CNTN1: variants seen among roughly 807,000 people sequenced by gnomAD.
CNTN1 encodes contactin-1.
Under a neutral mutation model 126.4 loss-of-function variants are expected in CNTN1, and 38 were observed. That is an observed-to-expected ratio of 0.30 (90% CI 0.23 to 0.39). The LOEUF is 0.39. Among genes scored for constraint, CNTN1 ranks in the 10% least tolerant of loss-of-function variants. CNTN1 has a pLI of 1.00. For synonymous variants in CNTN1, 413 were observed against 422.6 expected (o/e 0.98, Z 0.28); for missense variants, 1,009 against 1,248.4 (o/e 0.81, Z 2.89).
At chr12:40,833,285 A>G (rs7967262) in intron 1 of CNTN1, among the ~76,000 whole-genome samples, 88,414 of 151,580 alleles carry the variant, frequency 0.58, 26,163 homozygotes, top group East Asian at 0.77. Flanking sequence ...TAGTAGAGAC[A>G]GGGTTTCACC....
At chr12:40,923,092 C>T (rs1945509961) in intron 5 of CNTN1, among the ~76,000 whole-genome samples, 1 of 151,292 alleles carries the variant, frequency 6.6e-6, no homozygotes, top group South Asian at 2.1e-4. Context: ...CATATTGCAA[C>T]ATAATGTCTG....
intron 1 of CNTN1, among the ~76,000 whole-genome samples, chr12:40,747,024 C>G (rs906392620): frequency 5.3e-5 from 8 of 152,012 alleles, no homozygotes; most frequent in Non-Finnish European, 7.4e-5. Flanking sequence ...GTACGGGGAG[C>G]CCTCTCCTGC....
chr12:41,020,486 A>G lies in CNTN1; in HGVS notation c.2523+46A>G, dbSNP rs761450618. On this transcript the variant is annotated intron_variant, in intron 20 of 23. Coordinates refer to ENST00000551295, the MANE Select transcript of CNTN1 (RefSeq NM_001843.4). ...ACTAAATACATTTATTCATAAATAT[A>G]TAAGCATACGTTTTCAAATGTGTTG... 1.2e-5 allele frequency: 15 copies of G among 1,216,196 alleles called. No individual in the cohort carries two copies. The Admixed American group carries it at 2.3e-4, about 18-fold the overall frequency. The allele number at this position is 1,216,196 out of a possible 1,614,324, so 75.3% of individuals were successfully genotyped here.
At chr12:40,842,744 T>C (rs1327605319) in intron 1 of CNTN1, among the ~76,000 whole-genome samples, 2 of 152,126 alleles carry the variant, frequency 1.3e-5, no homozygotes, top group African/African-American at 4.8e-5. Context: ...ACATAGTAGA[T>C]GTTCAATAAA....
chr12:40,923,888 C>T (rs886898991), intron 5 of CNTN1, among the ~76,000 whole-genome samples: 4 of 151,574 alleles, frequency 2.6e-5, no homozygotes, highest in Non-Finnish European at 4.4e-5. Flanking sequence ...ATTTGGGTGC[C>T]GATCACAGGT....
chr12:40,809,288 C>T (rs886434739), intron 1 of CNTN1, among the ~76,000 whole-genome samples: 1 of 152,086 alleles, frequency 6.6e-6, no homozygotes, highest in African/African-American at 2.4e-5. Context: ...GATAAAACTC[C>T]TTATGAAGAA....
chr12:40,739,101 G>A (rs1937823702), intron 1 of CNTN1, among the ~76,000 whole-genome samples: 1 of 152,032 alleles, frequency 6.6e-6, no homozygotes, highest in Non-Finnish European at 1.5e-5. Context: ...ATGTTATAAA[G>A]CTCCTCAGGG....
chr12:40,811,982 G>A (rs1273058829), intron 1 of CNTN1, among the ~76,000 whole-genome samples: 1 of 149,418 alleles, frequency 6.7e-6, no homozygotes. Flanking sequence ...TGTAATGTTA[G>A]GTTGTTTATG....
chr12:40,945,990 A>G (rs1208476723), intron 14 of CNTN1, among the ~76,000 whole-genome samples: 1 of 152,164 alleles, frequency 6.6e-6, no homozygotes, highest in Non-Finnish European at 1.5e-5. Context: ...CTAGATAAGC[A>G]TCTTAATTGA....
chr12:41,068,026 A>G (rs927686302), intron 23 of CNTN1, among the ~76,000 whole-genome samples: 1 of 152,248 alleles, frequency 6.6e-6, no homozygotes, highest in Non-Finnish European at 1.5e-5. Flanking sequence ...CCTTGCCTTG[A>G]TACATTAAGT....
chr12:40,868,224 GT>G (rs1164369295), intron 1 of CNTN1, among the ~76,000 whole-genome samples: 1 of 152,080 alleles, frequency 6.6e-6, no homozygotes, highest in Non-Finnish European at 1.5e-5. Context: ...CCCAATGGAA[GT>G]TTTTTATTTA....
At chr12:40,795,752 T>C (rs1940404294) in intron 1 of CNTN1, among the ~76,000 whole-genome samples, 1 of 152,154 alleles carries the variant, frequency 6.6e-6, no homozygotes, top group Non-Finnish European at 1.5e-5. Flanking sequence ...AGATTTATGC[T>C]ACATGCAATA....
chr12:41,037,385 G>GTA (rs201775809), intron 23 of CNTN1, among the ~76,000 whole-genome samples: 2,157 of 151,504 alleles, frequency 0.014, 52 homozygotes, highest in African/African-American at 0.047. Flanking sequence ...ATTTATGTAT[G>GTA]TATATATATA....
At chr12:40,771,570 C>T (rs1193488424) in intron 1 of CNTN1, among the ~76,000 whole-genome samples, 1 of 151,948 alleles carries the variant, frequency 6.6e-6, no homozygotes, top group Admixed American at 6.6e-5. Context: ...AGAAAGTCCT[C>T]AATTCAGGAT....
intron 1 of CNTN1, among the ~76,000 whole-genome samples, chr12:40,854,927 G>C (rs760930766): frequency 6.6e-6 from 1 of 152,076 alleles, no homozygotes; most frequent in Non-Finnish European, 1.5e-5. Flanking sequence ...TTCAGTACTC[G>C]GAGGGTGCTG....
intron 1 of CNTN1, among the ~76,000 whole-genome samples, chr12:40,898,405 T>A (rs967478276): frequency 2.0e-5 from 3 of 152,194 alleles, no homozygotes; most frequent in Admixed American, 6.5e-5. Flanking sequence ...GAAAATGTAA[T>A]GCATTTCTTG....
intron 1 of CNTN1, among the ~76,000 whole-genome samples, chr12:40,820,606 G>A (rs529783514): frequency 1.1e-4 from 16 of 152,260 alleles, no homozygotes; most frequent in African/African-American, 3.9e-4. Context: ...GGTGGGGTTT[G>A]GGAGGTAGCA....
At chr12:40,959,001 A>T in intron 14 of CNTN1, 113 bp from the exon 15 acceptor site, 1 of 1,274,508 alleles carries the variant, frequency 7.8e-7, no homozygotes, top group Admixed American at 1.8e-5. Context: ...TCTAAAACAC[A>T]TTCTTTAAGT....
At chr12:40,721,502 T>G (rs1410750890) in intron 1 of CNTN1, among the ~76,000 whole-genome samples, 1 of 152,086 alleles carries the variant, frequency 6.6e-6, no homozygotes, top group Non-Finnish European at 1.5e-5. Flanking sequence ...TTTTATAATT[T>G]ATCATGAAGG....
Sources: allele counts gnomAD v4.1 joint callset (sites outside exome capture counted in the v4.1 genomes callset), GRCh38; gene constraint gnomAD v4.1.1; transcripts MANE v1.5; gene names NCBI Gene and HGNC (gene_info 2026-07-23, HGNC 2026-07-21).